Variants in COL21A1 observed in about 807,000 individuals in gnomAD.
The protein encoded by COL21A1 is collagen alpha-1(XXI) chain.
COL21A1 carries 149 observed loss-of-function variants against 137.9 expected under a neutral mutation model. The observed-to-expected ratio is 1.08, with a 90% confidence interval of 0.95 to 1.24. The LOEUF is 1.24. Among genes scored for constraint, COL21A1 ranks in the 50% most tolerant of loss-of-function variants. The pLI is 0.00. For missense variants in COL21A1, 1,167 were observed against 1,158.4 expected (o/e 1.01, Z -0.11); for synonymous variants, 456 against 391.5 (o/e 1.16, Z -1.95).
chr6:56,059,372 T>C (rs1765598050), intron 28 of COL21A1, 130 bp from the exon 29 acceptor site: 6 of 570,062 alleles, frequency 1.1e-5, no homozygotes, highest in Non-Finnish European at 1.5e-5. Flanking sequence ...CTATTTTTTC[T>C]TACTAATGGA....
upstream of COL21A1, among the ~76,000 whole-genome samples, chr6:56,248,363 G>A (rs1782756808): frequency 6.6e-6 from 1 of 152,108 alleles, no homozygotes; most frequent in Non-Finnish European, 1.5e-5. Context: ...TATCATAGTT[G>A]CTTGCTTCTG....
chr6:56,061,545 G>A (rs896723484), intron 25 of COL21A1, 104 bp downstream of exon 25: 48 of 615,074 alleles, frequency 7.8e-5, no homozygotes, highest in African/African-American at 3.8e-4. Context: ...AAAACATTTC[G>A]TTTTCTGGTT....
At chr6:56,195,391 G>C (rs1003116155) in intron 1 of COL21A1, among the ~76,000 whole-genome samples, 1 of 151,910 alleles carries the variant, frequency 6.6e-6, no homozygotes, top group African/African-American at 2.4e-5. Flanking sequence ...GTATCTCCCT[G>C]GTTTTAAGAA....
intron 17 of COL21A1, among the ~76,000 whole-genome samples, chr6:56,079,089 C>T (rs918081571): frequency 1.3e-5 from 2 of 151,596 alleles, no homozygotes; most frequent in Non-Finnish European, 3.0e-5. Flanking sequence ...TTGAATGAAC[C>T]GTAATTTGGT....
upstream of COL21A1, among the ~76,000 whole-genome samples, chr6:56,251,579 G>C (rs1782855783): frequency 1.3e-5 from 2 of 152,186 alleles, no homozygotes; most frequent in African/African-American, 4.8e-5. Flanking sequence ...GTGTGTGAGT[G>C]TGTATGTGAA....
chr6:56,104,298 G>GA (rs1430303192), intron 16 of COL21A1, among the ~76,000 whole-genome samples: 1 of 152,090 alleles, frequency 6.6e-6, no homozygotes, highest in Admixed American at 6.6e-5. Context: ...AAGGAAATGG[G>GA]AAAAACATTT....
At chr6:56,080,942 G>A (rs914224586) in intron 17 of COL21A1, among the ~76,000 whole-genome samples, 1 of 151,768 alleles carries the variant, frequency 6.6e-6, no homozygotes, top group African/African-American at 2.4e-5. Context: ...ATAGATGCTG[G>A]AGTCAGCCAG....
At chr6:56,292,551 C>T (rs1764073410) in intron 1 of COL21A1, among the ~76,000 whole-genome samples, 1 of 152,158 alleles carries the variant, frequency 6.6e-6, no homozygotes, top group Non-Finnish European at 1.5e-5. Context: ...TTAGCCAGAG[C>T]TTGGAGTATC....
At chr6:56,271,757 C>T (rs896243962) in intron 1 of COL21A1, among the ~76,000 whole-genome samples, 2 of 152,208 alleles carry the variant, frequency 1.3e-5, no homozygotes, top group Admixed American at 6.5e-5. Context: ...AGCTTCAGGA[C>T]TTGGTGTCCT....
upstream of COL21A1, among the ~76,000 whole-genome samples, chr6:56,250,163 T>C (rs1295590586): frequency 1.3e-5 from 2 of 152,230 alleles, no homozygotes; most frequent in African/African-American, 2.4e-5. Flanking sequence ...GAAATATTCA[T>C]AGGGTTCCTT....
chr6:56,104,170 C>T (rs552580852), intron 16 of COL21A1, among the ~76,000 whole-genome samples: 1 of 152,200 alleles, frequency 6.6e-6, no homozygotes. Context: ...ACCTACAATA[C>T]TTAGACTAGT....
At chr6:56,106,489 C>A (rs1384634323) in intron 16 of COL21A1, among the ~76,000 whole-genome samples, 1 of 152,124 alleles carries the variant, frequency 6.6e-6, no homozygotes, top group South Asian at 2.1e-4. Context: ...CAGCAGAAAA[C>A]ACACCAAGTC....
chr6:56,267,754 TAAAAAAA>T (rs61326932), intron 1 of COL21A1, among the ~76,000 whole-genome samples: 2 of 131,420 alleles, frequency 1.5e-5, no homozygotes, highest in Admixed American at 7.5e-5. Context: ...AAGACTCTGT[TAAAAAAA>T]AAAAAAAAAA....
chr6:56,134,061 A>G (rs1039692674), intron 12 of COL21A1, among the ~76,000 whole-genome samples: 17 of 152,328 alleles, frequency 1.1e-4, no homozygotes, highest in African/African-American at 3.8e-4. Context: ...AGAAGGTCAC[A>G]GTCCTCCAAA....
At chr6:56,147,587 T>C (rs1327149233) in intron 10 of COL21A1, among the ~76,000 whole-genome samples, 1 of 152,018 alleles carries the variant, frequency 6.6e-6, no homozygotes. Context: ...TTTAAAATCA[T>C]AGATGTTAGA....
chr6:56,098,057 A>T (rs1161325668), intron 17 of COL21A1, among the ~76,000 whole-genome samples: 2 of 51,208 alleles, frequency 3.9e-5, no homozygotes, highest in African/African-American at 1.8e-4. Flanking sequence ...ATATAAATAT[A>T]TATAAATATA....
chr6:56,379,064 G>A (rs2094004623), intron 1 of COL21A1, among the ~76,000 whole-genome samples: 1 of 152,196 alleles, frequency 6.6e-6, no homozygotes, highest in South Asian at 2.1e-4. Context: ...AGATCACAAC[G>A]CCTGAGTCTT....
rs1200291450 is a variant in COL21A1, at chr6:56,267,770, AAAG to A, written c.-38-85117_-38-85115del. Among the ~76,000 whole-genome samples, 167 of 125,744 alleles carry A rather than the reference AAAG, an allele frequency of 1.3e-3. 16 individuals carry two copies. The highest frequency in any genetic ancestry group is 1.8e-3 in the South Asian group (6 of 3,316). The allele number at this position is 125,744 out of a possible 152,430, so 82.5% of individuals were successfully genotyped here. A position where few individuals can be genotyped will look rare whatever the true frequency, so the allele number is the denominator to read the frequency against. On this transcript the variant is annotated intron_variant, in intron 1 of 28. Coordinates refer to the COL21A1 transcript ENST00000370819. ...AGACTCTGTTAAAAAAAAAAAAAAA[AAAG>A]AAGAAGAAGAAGAAGAAGAGAGCCT...
rs1412506187 is a variant in COL21A1, at chr6:56,097,830, T to TATATATAA, written c.1812+3634_1812+3641dup. Among the ~76,000 whole-genome samples, 9 of 50,408 alleles carry TATATATAA rather than the reference T, an allele frequency of 1.8e-4. 3 individuals are homozygous for TATATATAA. The allele number at this position is 50,408 out of a possible 152,430, so 33.1% of individuals were successfully genotyped here. On this transcript the variant is annotated intron_variant, in intron 17 of 29. Transcript: ENST00000244728. ...ATAAATATATATAAATACATATAAA[T>TATATATAA]ATATATAAATATATAAATATATATA...
Sources: allele counts gnomAD v4.1 joint callset (sites outside exome capture counted in the v4.1 genomes callset), GRCh38; gene constraint gnomAD v4.1.1; transcripts MANE v1.5; gene names NCBI Gene and HGNC (gene_info 2026-07-23, HGNC 2026-07-21).